GNB1: variants seen among roughly 807,000 people sequenced by gnomAD.
GNB1 encodes G protein subunit beta 1.
GNB1 carries 2 observed loss-of-function variants against 42.9 expected under a neutral mutation model. The observed-to-expected ratio is 0.05, with a 90% confidence interval of 0.02 to 0.15. GNB1 has a LOEUF of 0.15. GNB1 is among the 10% of genes least tolerant of loss of function. The pLI, the probability that GNB1 is intolerant of heterozygous loss-of-function variation, is 1.00. For missense variants in GNB1, 193 were observed against 462.2 expected, an observed-to-expected ratio of 0.42 and a Z score of 5.34; for synonymous variants, 183 against 174.7, an observed-to-expected ratio of 1.05 and a Z score of -0.38.
intron 1 of GNB1, among the ~76,000 whole-genome samples, chr1:1,886,383 TTTC>T (rs1424054378): frequency 1.3e-5 from 2 of 152,204 alleles, no homozygotes; most frequent in Admixed American, 1.3e-4. Flanking sequence ...ATTGTCTCTA[TTTC>T]TTCAATCAAA....
chr1:1,800,718 C>T (rs141351754), intron 7 of GNB1, among the ~76,000 whole-genome samples: 5 of 138,116 alleles, frequency 3.6e-5, no homozygotes, highest in African/African-American at 1.4e-4. Context: ...GAGGCACCTA[C>T]GTGCAAACTG....
chr1:1,845,867 ACACACG>A (rs1647629667), intron 1 of GNB1, among the ~76,000 whole-genome samples: 1 of 133,792 alleles, frequency 7.5e-6, no homozygotes, highest in South Asian at 2.4e-4. Flanking sequence ...ACACACACAC[ACACACG>A]TATATCTCCT....
chr1:1,800,778 T>G (rs374835597), intron 7 of GNB1, among the ~76,000 whole-genome samples: 2 of 105,382 alleles, frequency 1.9e-5, no homozygotes, highest in Non-Finnish European at 4.1e-5. Context: ...AAAAGAAAAA[T>G]AAATTAAAAA....
intron 3 of GNB1, 143 bp from the exon 4 acceptor site, chr1:1,818,018 A>G (rs1355118594): frequency 7.7e-6 from 5 of 646,290 alleles, no homozygotes; most frequent in Non-Finnish European, 1.4e-5. Flanking sequence ...GTCTCCTTGC[A>G]TCTCAACACC....
At chr1:1,804,342 AG>A (rs1646667596) in intron 7 of GNB1, 76 bp downstream of exon 7, 2 of 889,758 alleles carry the variant, frequency 2.2e-6, no homozygotes, top group South Asian at 3.0e-5. Flanking sequence ...ATTGATAAAA[AG>A]TGAGTATCCA....
chr1:1,828,490 T>C (rs1410386604), intron 2 of GNB1, among the ~76,000 whole-genome samples: 2 of 152,188 alleles, frequency 1.3e-5, no homozygotes, highest in Non-Finnish European at 2.9e-5. Flanking sequence ...CCCAGCTGTA[T>C]TGCTTGAGAC....
At chr1:1,879,390 T>C (rs1649716961) in intron 1 of GNB1, among the ~76,000 whole-genome samples, 1 of 152,130 alleles carries the variant, frequency 6.6e-6, no homozygotes, top group South Asian at 2.1e-4. Flanking sequence ...CATGTTACCA[T>C]ACATAACATT....
rs1477623815 is a variant in GNB1, at chr1:1,890,833, T to C, written c.-109A>G. Reference sequence around the variant, plus strand: ...TGCCGCGCTCACCTCAGCGCCCTCGTCGCGGCCTGACGCGCCCACACCGCC... The same window carrying C: ...TGCCGCGCTCACCTCAGCGCCCTCGCCGCGGCCTGACGCGCCCACACCGCC... On this transcript the variant is annotated 5_prime_UTR_variant, in exon 1 of 12. Coordinates refer to ENST00000378609, the MANE Select transcript of GNB1 (RefSeq NM_002074.5). 6.8e-6 allele frequency: 1 copy of C among 147,600 alleles called. No individual in the cohort carries two copies. Among genetic ancestry groups the C allele is most frequent in the Non-Finnish European group, 1.5e-5 (1 of 66,410 alleles). The allele number at this position is 147,600 out of a possible 1,614,324, so 9.1% of individuals were successfully genotyped here.
At chr1:1,810,250 T>G (rs1646756999) in intron 5 of GNB1, among the ~76,000 whole-genome samples, 1 of 151,450 alleles carries the variant, frequency 6.6e-6, no homozygotes, top group Non-Finnish European at 1.5e-5. Context: ...TATTTTTAGT[T>G]GAGACAGGGT....
intron 5 of GNB1, among the ~76,000 whole-genome samples, chr1:1,809,144 C>T (rs1348955971): frequency 1.3e-5 from 2 of 150,758 alleles, no homozygotes; most frequent in African/African-American, 2.4e-5. Context: ...TATCACAGAA[C>T]TAAAAACTAA....
chr1:1,789,977 C>G (rs1646460463), intron 9 of GNB1, among the ~76,000 whole-genome samples: 1 of 152,216 alleles, frequency 6.6e-6, no homozygotes. Flanking sequence ...TCTGTCCAAC[C>G]AACAGATACA....
intron 3 of GNB1, among the ~76,000 whole-genome samples, chr1:1,819,050 C>T (rs1392639844): frequency 3.9e-5 from 6 of 151,986 alleles, no homozygotes; most frequent in Non-Finnish European, 8.8e-5. Flanking sequence ...TCCACCAATG[C>T]TAACTCAAGT....
intron 3 of GNB1, among the ~76,000 whole-genome samples, chr1:1,819,500 C>G (rs1051090975): frequency 1.3e-5 from 2 of 151,560 alleles, no homozygotes; most frequent in Non-Finnish European, 2.9e-5. Context: ...GGATTACAGG[C>G]GTGAGCCACC....
At chr1:1,852,378 G>A (rs1046538579) in intron 1 of GNB1, among the ~76,000 whole-genome samples, 3 of 152,024 alleles carry the variant, frequency 2.0e-5, no homozygotes, top group Admixed American at 6.6e-5. Flanking sequence ...ATAGACGCCC[G>A]CCACCACGCC....
intron 1 of GNB1, among the ~76,000 whole-genome samples, chr1:1,880,573 G>C (rs1649789042): frequency 6.6e-6 from 1 of 151,744 alleles, no homozygotes; most frequent in Non-Finnish European, 1.5e-5. Flanking sequence ...GCGACAGAGA[G>C]AGACTCCATC....
chr1:1,881,720 C>G (rs1243628622), intron 1 of GNB1, among the ~76,000 whole-genome samples: 1 of 152,164 alleles, frequency 6.6e-6, no homozygotes, highest in Non-Finnish European at 1.5e-5. Flanking sequence ...AGCTCTTTAT[C>G]CAGACTGTAA....
At position 1,790,518 on chromosome 1, in the gene GNB1, A is replaced by G. The variant is rs1356699612; in HGVS notation, c.576T>C (p.Leu192=). 3 of 1,612,766 alleles carry G rather than the reference A, an allele frequency of 1.9e-6. No individual in the cohort carries two copies. Among genetic ancestry groups the G allele is most frequent in the Middle Eastern group, 1.6e-4 (1 of 6,082 alleles). Reference sequence around the variant, plus strand: ...AGACGAACAGTCTGGTGTCAGGAGCAAGAGAAAGGCTCATGACATCTCCAG... The same window carrying G: ...AGACGAACAGTCTGGTGTCAGGAGCGAGAGAAAGGCTCATGACATCTCCAG... ...GHTGDVMSLS[L]APDTRLFVSG... Residue 192 remains leucine (L), a synonymous_variant, in exon 9 of 12, where the codon CTT becomes CTC. Transcript: ENST00000378609. The surrounding 1 kb of genome is among the most constrained non-coding windows in gnomAD (Gnocchi z 5.4).
At chr1:1,826,901 G>T (rs1264488855) in intron 2 of GNB1, among the ~76,000 whole-genome samples, 3 of 152,172 alleles carry the variant, frequency 2.0e-5, no homozygotes, top group Admixed American at 6.6e-5. Context: ...TGAAGATCTT[G>T]GCTGTTAAGT....
chr1:1,887,346 G>A (rs1317072020), intron 1 of GNB1, among the ~76,000 whole-genome samples: 3 of 152,174 alleles, frequency 2.0e-5, no homozygotes, highest in Admixed American at 2.0e-4. Context: ...GTCTAGAGAT[G>A]CCCTGAAGAC....
Sources: allele counts gnomAD v4.1 joint callset (sites outside exome capture counted in the v4.1 genomes callset), GRCh38; gene constraint gnomAD v4.1.1; non-coding constraint Gnocchi (gnomAD v3.1); transcripts MANE v1.5; gene names NCBI Gene and HGNC (gene_info 2026-07-23, HGNC 2026-07-21).